The following HTR1F variants were observed in gnomAD, a reference collection of about 807,000 sequenced individuals.
HTR1F encodes 5-hydroxytryptamine receptor 1F.
HTR1F carries 17 observed loss-of-function variants against 24.0 expected under a neutral mutation model. The ratio of observed to expected loss-of-function variants is 0.71; its 90% confidence interval spans 0.48 to 1.06. The LOEUF is 1.06. Ranked by LOEUF, HTR1F falls within the 50% of genes least tolerant of loss-of-function variation. The pLI is 0.00. For missense variants in HTR1F, 391 were observed against 427.8 expected (o/e 0.91, Z 0.76); for synonymous variants, 186 against 156.8 (o/e 1.19, Z -1.39).
chr3:87,814,576 T>A (rs1704217480), intron 1 of HTR1F, among the ~76,000 whole-genome samples: 1 of 152,178 alleles, frequency 6.6e-6, no homozygotes, highest in East Asian at 1.9e-4. Context: ...TCCTTTGAGT[T>A]CAATCTTTTT....
chr3:87,936,462 T>C (rs999547333), intron 2 of HTR1F, among the ~76,000 whole-genome samples: 1 of 152,220 alleles, frequency 6.6e-6, no homozygotes, highest in Non-Finnish European at 1.5e-5. Flanking sequence ...TATCATCTAG[T>C]TATTAACCAC....
intron 2 of HTR1F, among the ~76,000 whole-genome samples, chr3:87,850,819 A>AAC (rs1559605395): frequency 2.5e-4 from 38 of 150,952 alleles, no homozygotes; most frequent in Admixed American, 7.9e-4. Context: ...ACAACAACAA[A>AAC]AAAAAAAACC....
intron 2 of HTR1F, among the ~76,000 whole-genome samples, chr3:87,887,475 G>C (rs1233629380): frequency 6.6e-6 from 1 of 152,132 alleles, no homozygotes; most frequent in Non-Finnish European, 1.5e-5. Flanking sequence ...ATTGACAAAT[G>C]GGATCTAATT....
intron 2 of HTR1F, among the ~76,000 whole-genome samples, chr3:87,917,131 T>C (rs1054922106): frequency 2.0e-5 from 3 of 151,706 alleles, no homozygotes; most frequent in Admixed American, 2.0e-4. Flanking sequence ...TAAAAATATA[T>C]CAAAATTAAA....
chr3:87,839,082 T>C (rs1187675848), intron 2 of HTR1F, among the ~76,000 whole-genome samples: 1 of 151,804 alleles, frequency 6.6e-6, no homozygotes, highest in East Asian at 1.9e-4. Flanking sequence ...TTATTTTCTT[T>C]TGCTTGTGCT....
intron 1 of HTR1F, among the ~76,000 whole-genome samples, chr3:87,802,970 A>G (rs1704018304): frequency 6.6e-6 from 1 of 152,172 alleles, no homozygotes; most frequent in Non-Finnish European, 1.5e-5. Flanking sequence ...GCTGCTTGAC[A>G]AGCCAAGGAG....
chr3:87,991,782 C>T lies in HTR1F; in HGVS notation c.1033C>T (p.Leu345=), dbSNP rs970665863. 3.1e-6 allele frequency: 5 copies of T among 1,607,866 alleles called. No individual in the cohort carries two copies. In the African/African-American group the frequency reaches 5.4e-5, roughly 17 times the overall value. ...GTATCTCAATTCCCTTATAAATCCA[C>T]TGATTTACACAATCTTTAATGAAGA... is the stretch of plus-strand genomic sequence containing the variant. ...LGYLNSLINP[L]IYTIFNEDFK... Residue 345 remains leucine, a synonymous_variant, in exon 3 of 3, where the codon CTG becomes TTG. Transcript: ENST00000319595.
intron 2 of HTR1F, among the ~76,000 whole-genome samples, chr3:87,959,587 A>T (rs1229226578): frequency 6.6e-6 from 1 of 152,090 alleles, no homozygotes; most frequent in Middle Eastern, 3.4e-3. Flanking sequence ...CTTTACTTAA[A>T]TTCGCTTTGT....
At chr3:87,987,316 G>T (rs1022506472) in intron 2 of HTR1F, among the ~76,000 whole-genome samples, 12 of 151,812 alleles carry the variant, frequency 7.9e-5, no homozygotes, top group Admixed American at 2.0e-4. Context: ...TGGTTTTGAA[G>T]TAAGCATTTT....
At chr3:87,880,248 G>A (rs1449427440) in intron 2 of HTR1F, among the ~76,000 whole-genome samples, 1 of 152,116 alleles carries the variant, frequency 6.6e-6, no homozygotes, top group Non-Finnish European at 1.5e-5. Context: ...CTTAATTGTG[G>A]TGTGGTTTTC....
At chr3:87,946,076 G>C (rs1355791129) in intron 2 of HTR1F, among the ~76,000 whole-genome samples, 1 of 152,194 alleles carries the variant, frequency 6.6e-6, no homozygotes, top group African/African-American at 2.4e-5. Context: ...CCAGTGACTA[G>C]TGTTCAGCTC....
At chr3:87,873,788 A>G (rs540629930) in intron 2 of HTR1F, among the ~76,000 whole-genome samples, 1 of 152,300 alleles carries the variant, frequency 6.6e-6, no homozygotes, top group Non-Finnish European at 1.5e-5. Flanking sequence ...AAAATCAATC[A>G]ATGTGATACA....
At chr3:87,886,800 A>T (rs1161777286) in intron 2 of HTR1F, among the ~76,000 whole-genome samples, 2 of 152,182 alleles carry the variant, frequency 1.3e-5, no homozygotes, top group Admixed American at 1.3e-4. Context: ...TTCAAGGAGA[A>T]CTACAAACCA....
At chr3:87,870,919 T>C (rs1705539939) in intron 2 of HTR1F, among the ~76,000 whole-genome samples, 1 of 151,650 alleles carries the variant, frequency 6.6e-6, no homozygotes, top group South Asian at 2.1e-4. Flanking sequence ...TAGGTGAAAG[T>C]CTTCTCTTGT....
At chr3:87,879,809 C>T (rs1200478810) in intron 2 of HTR1F, among the ~76,000 whole-genome samples, 1 of 152,070 alleles carries the variant, frequency 6.6e-6, no homozygotes, top group African/African-American at 2.4e-5. Context: ...ATACTTACAA[C>T]ATCAGCCTAT....
At chr3:87,894,844 A>C (rs2107313746) in intron 2 of HTR1F, among the ~76,000 whole-genome samples, 1 of 152,232 alleles carries the variant, frequency 6.6e-6, no homozygotes, top group East Asian at 1.9e-4. Flanking sequence ...AAAAGCCACT[A>C]GCAAATAAGA....
chr3:87,916,325 A>AC (rs1479078714), intron 2 of HTR1F, among the ~76,000 whole-genome samples: 1 of 147,016 alleles, frequency 6.8e-6, no homozygotes, highest in African/African-American at 2.5e-5. Flanking sequence ...AAAAAAAAAA[A>AC]AAACAAGGTA....
At chr3:87,923,362 T>A (rs1452957899) in intron 2 of HTR1F, among the ~76,000 whole-genome samples, 5 of 151,974 alleles carry the variant, frequency 3.3e-5, no homozygotes, top group Admixed American at 6.6e-5. Context: ...GACATGATCA[T>A]TTTAACAATC....
At position 87,953,331 on chromosome 3, in the gene HTR1F, A is replaced by G. The variant is rs1240427379; in HGVS notation, c.-42-37377A>G. On this transcript the variant is annotated intron_variant, in intron 2 of 2. Coordinates refer to ENST00000319595, the MANE Select transcript of HTR1F (RefSeq NM_001322209.2). ...TGACAAGAGATTAATACCAGAAAAT[A>G]TAAAGAACTCGATTTAACGGCAAAA... Among the ~76,000 whole-genome samples the G allele has an allele frequency of 6.8e-5, 10 of 147,338 alleles. No individual in the cohort carries two copies. In the East Asian group the frequency reaches 1.9e-3, roughly 29 times the overall value.
Sources: allele counts gnomAD v4.1 joint callset (sites outside exome capture counted in the v4.1 genomes callset), GRCh38; gene constraint gnomAD v4.1.1; transcripts MANE v1.5; gene names NCBI Gene and HGNC (gene_info 2026-07-23, HGNC 2026-07-21).